The following FLVCR1 variants were observed in gnomAD, a reference collection of about 807,000 sequenced individuals.
FLVCR1 encodes the protein choline/ethanolamine transporter FLVCR1.
FLVCR1 carries 34 observed loss-of-function variants against 53.6 expected under a neutral mutation model. The ratio of observed to expected loss-of-function variants is 0.63; its 90% confidence interval spans 0.48 to 0.84. The LOEUF is 0.84. Ranked by LOEUF, FLVCR1 falls within the 40% of genes least tolerant of loss-of-function variation. The pLI is 0.00. For missense variants in FLVCR1, 677 were observed against 696.7 expected (o/e 0.97, Z 0.32); for synonymous variants, 300 against 286.3 (o/e 1.05, Z -0.48).
At position 212,868,213 on chromosome 1, in the gene FLVCR1, C is replaced by T. The variant is rs555879957; in HGVS notation, c.883+4344C>T. The stretch of plus-strand genomic sequence containing the variant: ...GGCCAGCCTTAAGCAATCTTCCTAC[C>T]TCAGCCCTCTGAGTAGCTGGGACTA... On this transcript the variant is annotated intron_variant, in intron 2 of 9. Coordinates refer to ENST00000366971, the MANE Select transcript of FLVCR1 (RefSeq NM_014053.4). Among the ~76,000 whole-genome samples the T allele has an allele frequency of 3.9e-5, 6 of 152,162 alleles. No individual in the cohort carries two copies. In the East Asian group the frequency reaches 1.2e-3, roughly 29 times the overall value.
chr1:212,862,090 A>T (rs1344798657), intron 1 of FLVCR1, among the ~76,000 whole-genome samples: 1 of 152,104 alleles, frequency 6.6e-6, no homozygotes, highest in Non-Finnish European at 1.5e-5. Context: ...CTTCCTCCTA[A>T]AAACCTTCCT....
chr1:212,872,582 TCACTAAGAATGATA>T (rs1664631032), intron 2 of FLVCR1, 82 bp from the exon 3 acceptor site: 1 of 842,054 alleles, frequency 1.2e-6, no homozygotes, highest in East Asian at 2.8e-5. Flanking sequence ...TTCTGTCTGC[TCACTAAGAATGATA>T]CATATAATTA....
At position 212,859,370 on chromosome 1, in the gene FLVCR1, A is replaced by G. The variant is rs530690537; in HGVS notation, c.738+180A>G. Among the ~76,000 whole-genome samples the G allele has an allele frequency of 3.3e-5, 5 of 152,300 alleles. No homozygotes were observed. In the South Asian group the frequency reaches 1.0e-3, roughly 32 times the overall value. On this transcript the variant is annotated intron_variant, in intron 1 of 9. Coordinates refer to ENST00000366971, the MANE Select transcript of FLVCR1 (RefSeq NM_014053.4). Reference sequence around the variant, plus strand: ...TGAAGTGGGCTATAAATTTCTTTGTAAGGACAAAATTTTCCAAACGACCTT... The same window carrying G: ...TGAAGTGGGCTATAAATTTCTTTGTGAGGACAAAATTTTCCAAACGACCTT...
rs578026309 is a variant in FLVCR1, at chr1:212,898,387, G to A, written c.*3097G>A. The A allele has an allele frequency of 4.0e-5, 6 of 151,058 alleles. No homozygotes were observed. The highest frequency in any genetic ancestry group is 4.2e-4 in the South Asian group (2 of 4,772). 9.4% of individuals were successfully genotyped at this position (151,058 alleles called of 1,614,324 possible). On this transcript the variant is annotated 3_prime_UTR_variant, in exon 10 of 10. Transcript: ENST00000366971. ...TGATATTTACATTACAGGTAAAAAC[G>A]GCCAAAAATATATTTTAAGGTCTCT...
chr1:212,883,388 T>A lies in FLVCR1; in HGVS notation c.1042T>A (p.Phe348Ile). The A allele has an allele frequency of 6.4e-7, 1 of 1,559,036 alleles. No individual in the cohort carries two copies. The highest frequency in any genetic ancestry group is 8.8e-7 in the Non-Finnish European group (1 of 1,132,140). The change falls in exon 4 of 10, where the codon TTT becomes ATT. Residue 348 changes from phenylalanine to isoleucine, a missense_variant. By Grantham distance (21) the Phe-to-Ile change is conservative. Transcript: ENST00000366971. ...TATTGTAGGTATCATGACTGGTGCC[T>A]TTTATTCAGTCTCAACGTTATTAAA... ...LITYGIMTGA[F>I]YSVSTLLNQM...
intron 4 of FLVCR1, among the ~76,000 whole-genome samples, chr1:212,883,761 G>T (rs1242746471): frequency 6.6e-6 from 1 of 151,858 alleles, no homozygotes; most frequent in African/African-American, 2.4e-5. Context: ...AGAGCAGATT[G>T]GTTGCTACAA....
intron 7 of FLVCR1, 109 bp from the exon 8 acceptor site, chr1:212,889,037 T>A (rs1665126532): frequency 4.6e-6 from 4 of 862,910 alleles, no homozygotes. Flanking sequence ...AATGAATGTT[T>A]CTAGAAACCA....
At chr1:212,888,440 T>C (rs773992754) in intron 6 of FLVCR1, 49 bp from the exon 7 acceptor site, 1 of 1,245,894 alleles carries the variant, frequency 8.0e-7, no homozygotes, top group Admixed American at 1.7e-5. Flanking sequence ...CAGTATGTGA[T>C]TGTGACTTTC....
chr1:212,893,065 T>TTTTTTTGGG (rs376805847), intron 8 of FLVCR1, among the ~76,000 whole-genome samples: 1 of 142,306 alleles, frequency 7.0e-6, no homozygotes, highest in African/African-American at 2.6e-5. Context: ...TCTTTTTTTT[T>TTTTTTTGGG]GGGGGGGGGT....
intron 7 of FLVCR1, 47 bp from the exon 8 acceptor site, chr1:212,889,099 T>C: frequency 1.5e-6 from 2 of 1,318,008 alleles, no homozygotes; most frequent in African/African-American, 1.5e-5. Flanking sequence ...ATACTTGCTT[T>C]AAATAATTTA....
intron 1 of FLVCR1, among the ~76,000 whole-genome samples, chr1:212,862,104 T>C (rs1421574086): frequency 6.6e-6 from 1 of 152,214 alleles, no homozygotes; most frequent in Non-Finnish European, 1.5e-5. Context: ...CCTTCCTCCA[T>C]TGAACCTCCT....
Position 212,872,756 on chromosome 1 carries a change from A to T in FLVCR1, c.962A>T (p.Tyr321Phe). The part of the protein sequence containing the change: ...LQDSPPEEYS[Y>F]KKSIRNLFKN... ...GACAGTCCCCCTGAAGAGTACTCCT[A>T]TAAGAAATCAATAAGAAACCTGTTT... The change falls in exon 3 of 10, where the codon TAT becomes TTT. Residue 321 changes from tyrosine (Y) to phenylalanine (F), a missense_variant. Transcript: ENST00000366971. 6.2e-7 allele frequency: 1 copy of T among 1,613,894 alleles called. No homozygotes were observed. The highest frequency in any genetic ancestry group is 8.5e-7 in the Non-Finnish European group (1 of 1,179,762).
At chr1:212,867,941 C>G (rs1053615690) in intron 2 of FLVCR1, among the ~76,000 whole-genome samples, 1 of 151,394 alleles carries the variant, frequency 6.6e-6, no homozygotes, top group Non-Finnish European at 1.5e-5. Context: ...GTAGCTGGGA[C>G]TACAGGCACC....
rs1242466480 is a variant in FLVCR1, at chr1:212,885,181, T to C, written c.1093-112T>C. 10 of 788,766 alleles carry C rather than the reference T, an allele frequency of 1.3e-5. No homozygotes were observed. The East Asian group carries it at 2.5e-4, about 20-fold the overall frequency. The allele number at this position is 788,766 out of a possible 1,614,324, so 48.9% of individuals were successfully genotyped here. On this transcript the variant is annotated intron_variant, in intron 4 of 9. Coordinates refer to ENST00000366971, the MANE Select transcript of FLVCR1 (RefSeq NM_014053.4). ...ACATGTACTAAATCTTCCTACTGTG[T>C]GCTTAGTTTTATCTAATTATTTTCA...
At chr1:212,894,901 G>C (rs899087548) in intron 8 of FLVCR1, 85 bp from the exon 9 acceptor site, 1 of 883,988 alleles carries the variant, frequency 1.1e-6, no homozygotes. Context: ...CATTAAATTT[G>C]ACAATACCAA....
chr1:212,880,412 T>C (rs1664890840), intron 3 of FLVCR1, among the ~76,000 whole-genome samples: 1 of 152,172 alleles, frequency 6.6e-6, no homozygotes, highest in Admixed American at 6.5e-5. Flanking sequence ...GTAATTAAGA[T>C]GCCATGAGTA....
intron 4 of FLVCR1, among the ~76,000 whole-genome samples, 198 bp from the exon 5 acceptor site, chr1:212,885,095 T>C (rs1183474722): frequency 6.6e-6 from 1 of 152,234 alleles, no homozygotes. Context: ...AGGCTTTTTT[T>C]CTGGTTTTAA....
intron 2 of FLVCR1, among the ~76,000 whole-genome samples, chr1:212,868,768 G>C (rs763814456): frequency 4.6e-5 from 7 of 152,160 alleles, no homozygotes; most frequent in African/African-American, 7.2e-5. Context: ...TCAAACTCCT[G>C]AGGCAGTCTC....
At chr1:212,863,418 C>T (rs576994645) in intron 1 of FLVCR1, among the ~76,000 whole-genome samples, 9 of 152,094 alleles carry the variant, frequency 5.9e-5, no homozygotes, top group African/African-American at 1.7e-4. Flanking sequence ...GGTGAAACCC[C>T]GTCTGTACTA....
Sources: gnomAD v4.1 joint callset for allele counts (sites outside exome capture counted in the v4.1 genomes callset) on GRCh38, gnomAD v4.1.1 for gene constraint, MANE v1.5 for transcripts, NCBI Gene and HGNC (gene_info 2026-07-23, HGNC 2026-07-21) for gene names.